The following NPAS3 variants were observed in gnomAD, a reference collection of about 807,000 sequenced individuals.
NPAS3 encodes neuronal PAS domain protein 3, also known as neuronal PAS domain-containing protein 3.
Under a neutral mutation model 73.1 loss-of-function variants are expected in NPAS3, and 14 were observed. The ratio of observed to expected loss-of-function variants is 0.19; its 90% confidence interval spans 0.13 to 0.30. The LOEUF (loss-of-function observed/expected upper bound fraction) is 0.30, where lower values mean the gene tolerates loss of function less well. Among genes scored for constraint, NPAS3 ranks in the 10% least tolerant of loss-of-function variants. The pLI, the probability that NPAS3 is intolerant of heterozygous loss-of-function variation, is 1.00. For missense variants in NPAS3, 1,096 were observed against 1,250.0 expected, an observed-to-expected ratio of 0.88 and a Z score of 1.86; for synonymous variants, 620 against 541.5, an observed-to-expected ratio of 1.14 and a Z score of -2.01.
chr14:33,414,843 C>T (rs1293016400), intron 4 of NPAS3, among the ~76,000 whole-genome samples: 2 of 152,002 alleles, frequency 1.3e-5, no homozygotes, highest in South Asian at 2.1e-4. Context: ...ATCAGTAAAC[C>T]TTTAAACAAT....
At chr14:33,330,962 G>C (rs1455501343) in intron 3 of NPAS3, among the ~76,000 whole-genome samples, 1 of 152,162 alleles carries the variant, frequency 6.6e-6, no homozygotes, top group Non-Finnish European at 1.5e-5. Flanking sequence ...TAAAGGTTGA[G>C]GTGGAAAAGA....
At chr14:32,955,870 T>G (rs2036651773) in intron 1 of NPAS3, among the ~76,000 whole-genome samples, 1 of 152,184 alleles carries the variant, frequency 6.6e-6, no homozygotes, top group South Asian at 2.1e-4. Context: ...TTTTTCAATA[T>G]GTATTTTTAA....
At chr14:33,777,422 CT>C (rs148401803) in intron 8 of NPAS3, among the ~76,000 whole-genome samples, 4,603 of 152,190 alleles carry the variant, frequency 0.03, 99 homozygotes, top group Non-Finnish European at 0.046. Flanking sequence ...AATTATGTTT[CT>C]TTTTTTGTTT....
intron 1 of NPAS3, among the ~76,000 whole-genome samples, chr14:33,004,339 A>T (rs906261521): frequency 6.6e-6 from 1 of 152,234 alleles, no homozygotes; most frequent in Non-Finnish European, 1.5e-5. Context: ...CTCAAAGCCT[A>T]CAACACTGTA....
chr14:33,004,185 G>A (rs922706030), intron 1 of NPAS3, among the ~76,000 whole-genome samples: 1 of 152,190 alleles, frequency 6.6e-6, no homozygotes, highest in Non-Finnish European at 1.5e-5. Flanking sequence ...TTTTAGTACA[G>A]TGTGTGTTGC....
intron 3 of NPAS3, among the ~76,000 whole-genome samples, chr14:33,217,690 C>G (rs911428823): frequency 1.3e-5 from 2 of 152,086 alleles, no homozygotes; most frequent in Non-Finnish European, 2.9e-5. Flanking sequence ...TGTTATTTGT[C>G]CATTTGTCTG....
intron 6 of NPAS3, among the ~76,000 whole-genome samples, chr14:33,731,282 G>T (rs2061391960): frequency 6.6e-6 from 1 of 151,768 alleles, no homozygotes; most frequent in Admixed American, 6.6e-5. Flanking sequence ...AGCCAGGTGT[G>T]GTGGCACGCA....
Position 33,581,961 on chromosome 14 carries a change from C to A in NPAS3, c.558+21751C>A, listed in dbSNP as rs558186110. On this transcript the variant is annotated intron_variant, in intron 5 of 11. Transcript: ENST00000356141. ...TTCTATAGGTGTGCCATTTATTTAACCAGGCTTAGATTATTGAACATTTAG... is the reference window on the plus strand; with the variant it reads ...TTCTATAGGTGTGCCATTTATTTAAACAGGCTTAGATTATTGAACATTTAG... The A allele has an allele frequency of 1.1e-4, 17 of 152,280 alleles. No homozygotes were observed. The East Asian group carries it at 3.3e-3, about 29-fold the overall frequency. The allele number at this position is 152,280 out of a possible 1,614,324, so 9.4% of individuals were successfully genotyped here.
chr14:33,379,225 T>C (rs564941655), intron 4 of NPAS3, among the ~76,000 whole-genome samples: 2 of 152,188 alleles, frequency 1.3e-5, no homozygotes, highest in Non-Finnish European at 2.9e-5. Context: ...TTTTTTTTTT[T>C]CTTCAAGTTG....
chr14:33,467,582 T>C (rs2050585302), intron 4 of NPAS3, among the ~76,000 whole-genome samples: 1 of 152,190 alleles, frequency 6.6e-6, no homozygotes, highest in Non-Finnish European at 1.5e-5. Flanking sequence ...TTCCAGAATG[T>C]AGCTGCTTTG....
intron 5 of NPAS3, among the ~76,000 whole-genome samples, chr14:33,594,166 A>G (rs1348662633): frequency 6.6e-6 from 1 of 152,214 alleles, no homozygotes; most frequent in East Asian, 1.9e-4. Context: ...AGCTTCTTCT[A>G]TAAAATAGCA....
intron 1 of NPAS3, among the ~76,000 whole-genome samples, chr14:33,006,885 T>G (rs2039018814): frequency 6.6e-6 from 1 of 152,220 alleles, no homozygotes; most frequent in Admixed American, 6.5e-5. Flanking sequence ...TTTATAATTC[T>G]AATAGGAGCA....
At chr14:33,534,014 A>G (rs1388056387) in intron 4 of NPAS3, among the ~76,000 whole-genome samples, 3 of 152,096 alleles carry the variant, frequency 2.0e-5, no homozygotes, top group Admixed American at 1.3e-4. Context: ...ATGTTACCAA[A>G]TCTTTTTGTC....
intron 8 of NPAS3, among the ~76,000 whole-genome samples, chr14:33,775,344 G>A (rs1441064273): frequency 6.6e-6 from 1 of 152,116 alleles, no homozygotes; most frequent in African/African-American, 2.4e-5. Flanking sequence ...GTGCCACAGG[G>A]AGAAATACTG....
chr14:33,188,402 A>T (rs1346959596), intron 2 of NPAS3, among the ~76,000 whole-genome samples: 1 of 152,204 alleles, frequency 6.6e-6, no homozygotes, highest in African/African-American at 2.4e-5. Context: ...GAATGAAGAC[A>T]GGGACTATTA....
intron 4 of NPAS3, among the ~76,000 whole-genome samples, chr14:33,434,548 A>T (rs984641216): frequency 3.3e-5 from 5 of 152,180 alleles, no homozygotes; most frequent in Non-Finnish European, 5.9e-5. Context: ...TCCATAGTTA[A>T]CAATGAAATA....
At chr14:32,992,523 A>G (rs1031774365) in intron 1 of NPAS3, among the ~76,000 whole-genome samples, 1 of 152,008 alleles carries the variant, frequency 6.6e-6, no homozygotes, top group East Asian at 1.9e-4. Context: ...TGGCCTAGAA[A>G]CCACACTTGT....
At chr14:33,309,463 A>T (rs1231755674) in intron 3 of NPAS3, among the ~76,000 whole-genome samples, 3 of 152,202 alleles carry the variant, frequency 2.0e-5, no homozygotes, top group Non-Finnish European at 4.4e-5. Context: ...GAGGCTCTCA[A>T]ATGTGTGGGC....
At chr14:32,938,841 C>T (rs1367193224), upstream of NPAS3, among the ~76,000 whole-genome samples, 1 of 146,430 alleles carries the variant, frequency 6.8e-6, no homozygotes, top group Non-Finnish European at 1.5e-5. Context: ...CCCCCCGCCG[C>T]CGCCGCCGCC....
Sources: allele counts gnomAD v4.1 joint callset (sites outside exome capture counted in the v4.1 genomes callset), GRCh38; gene constraint gnomAD v4.1.1; transcripts MANE v1.5; gene names NCBI Gene and HGNC (gene_info 2026-07-23, HGNC 2026-07-21).